The following MAGI2 variants were observed in gnomAD, a reference collection of about 807,000 sequenced individuals.
MAGI2 encodes the protein membrane-associated guanylate kinase, WW and PDZ domain-containing protein 2.
MAGI2 carries 35 observed loss-of-function variants against 133.3 expected under a neutral mutation model. The ratio of observed to expected loss-of-function variants is 0.26; its 90% CI spans 0.20 to 0.35. MAGI2 has a LOEUF of 0.35. Ranked by LOEUF, MAGI2 falls within the 10% of genes least tolerant of loss-of-function variation. The pLI is 1.00. For missense variants in MAGI2, 1,636 were observed against 1,863.4 expected (o/e 0.88, Z 2.25); for synonymous variants, 729 against 710.6 (o/e 1.03, Z -0.41).
chr7:78,086,593 C>T (rs1020108158), intron 20 of MAGI2, among the ~76,000 whole-genome samples: 3 of 151,494 alleles, frequency 2.0e-5, no homozygotes, highest in Non-Finnish European at 2.9e-5. Flanking sequence ...TTCCCCTCCC[C>T]TAGCTCTATG....
At chr7:78,335,666 G>C (rs1789685098) in intron 9 of MAGI2, among the ~76,000 whole-genome samples, 1 of 152,044 alleles carries the variant, frequency 6.6e-6, no homozygotes, top group South Asian at 2.1e-4. Flanking sequence ...ACTAGACAAG[G>C]GTTGGAAGAC....
chr7:78,215,632 T>G (rs67301464), intron 10 of MAGI2, among the ~76,000 whole-genome samples: 22,221 of 152,166 alleles, frequency 0.15, 1,979 homozygotes, highest in East Asian at 0.35. Context: ...GATCAACTGC[T>G]GCCTGGAGTG....
intron 6 of MAGI2, among the ~76,000 whole-genome samples, chr7:78,373,212 C>T (rs1333036740): frequency 6.6e-6 from 1 of 152,080 alleles, no homozygotes; most frequent in East Asian, 1.9e-4. Flanking sequence ...TAGAAAGGGT[C>T]AAGGTCATGA....
chr7:78,744,606 C>T (rs867690616), intron 2 of MAGI2, among the ~76,000 whole-genome samples: 2 of 152,086 alleles, frequency 1.3e-5, no homozygotes, highest in Non-Finnish European at 2.9e-5. Context: ...GGGAACTTTG[C>T]ATGAGTCTAA....
At chr7:78,604,035 G>C (rs1805508370) in intron 3 of MAGI2, among the ~76,000 whole-genome samples, 2 of 146,816 alleles carry the variant, frequency 1.4e-5, no homozygotes, top group Non-Finnish European at 3.0e-5. Context: ...AACATACAAT[G>C]ACAAAATTAA....
intron 21 of MAGI2, among the ~76,000 whole-genome samples, chr7:78,077,713 A>G (rs540743612): frequency 1.0e-4 from 14 of 136,116 alleles, no homozygotes; most frequent in Non-Finnish European, 2.2e-4. Context: ...AATGAAAAGT[A>G]CTCTTTAGAA....
intron 1 of MAGI2, among the ~76,000 whole-genome samples, chr7:79,318,504 T>C (rs1838919434): frequency 6.6e-6 from 1 of 152,184 alleles, no homozygotes; most frequent in African/African-American, 2.4e-5. Context: ...GAATTCTATA[T>C]TTTCTGTAAG....
chr7:78,019,405 C>T lies in MAGI2; in HGVS notation c.4278G>A (p.Lys1426=). ...TCCAGGGCCCCGGCGCGACGGCGGC[C>T]TTGCGCGCCGGGGCGCCCCCCGGGG... The part of the protein sequence containing the change: ...PRPPGGAPAR[K]AAVAPGPWKV... Residue 1426 remains lysine, a synonymous_variant, in exon 22 of 22, where the codon AAG becomes AAA. Transcript: ENST00000354212. 2 of 1,178,142 alleles carry T rather than the reference C, an allele frequency of 1.7e-6. No individual in the cohort carries two copies. The highest frequency in any genetic ancestry group is 2.1e-6 in the Non-Finnish European group (2 of 954,856). 73.0% of individuals were successfully genotyped at this position (1,178,142 alleles called of 1,614,324 possible).
intron 3 of MAGI2, among the ~76,000 whole-genome samples, chr7:78,524,054 A>AG (rs978736191): frequency 3.3e-5 from 5 of 150,800 alleles, no homozygotes. Context: ...TTTCTAGGGA[A>AG]AAAAAAAAAT....
At chr7:78,079,208 G>C (rs1208082606) in intron 20 of MAGI2, 123 bp from the exon 21 acceptor site, 1 of 883,378 alleles carries the variant, frequency 1.1e-6, no homozygotes, top group Non-Finnish European at 1.8e-6. Context: ...GTGGCAGCCT[G>C]CTGCTTTTTG....
At chr7:78,513,323 C>T (rs578150719) in intron 4 of MAGI2, among the ~76,000 whole-genome samples, 1 of 152,230 alleles carries the variant, frequency 6.6e-6, no homozygotes, top group African/African-American at 2.4e-5. Flanking sequence ...GAAAAAACAT[C>T]ACAATACTGT....
At position 79,224,494 on chromosome 7, in the gene MAGI2, C is replaced by T. The variant is rs941364737; in HGVS notation, c.302-217288G>A. On this transcript the variant is annotated intron_variant, in intron 1 of 21. Transcript: ENST00000354212. The stretch of plus-strand genomic sequence containing the variant: ...ATTTACCCAAGAGAAATAAAAACAT[C>T]TGTCCATACAAAAGCCTGTACATAA... 2.4e-4 allele frequency among the ~76,000 whole-genome samples: 37 copies of T among 152,004 alleles called. 1 individual carries two copies. The highest frequency in any genetic ancestry group is 8.5e-4 in the African/African-American group (35 of 41,304).
intron 9 of MAGI2, among the ~76,000 whole-genome samples, chr7:78,312,732 A>G (rs1446104282): frequency 6.6e-6 from 1 of 152,030 alleles, no homozygotes; most frequent in Non-Finnish European, 1.5e-5. Flanking sequence ...AGCAGTTTGG[A>G]GATTTCTCAA....
intron 1 of MAGI2, among the ~76,000 whole-genome samples, chr7:79,341,957 T>C (rs1313175154): frequency 6.6e-6 from 1 of 152,178 alleles, no homozygotes; most frequent in Admixed American, 6.6e-5. Context: ...ACTAGAGTTC[T>C]GTTCCTCAGC....
intron 3 of MAGI2, among the ~76,000 whole-genome samples, chr7:78,552,578 G>A (rs1799444600): frequency 6.6e-6 from 1 of 152,212 alleles, no homozygotes; most frequent in South Asian, 2.1e-4. Context: ...GTAAAAATGA[G>A]AAACTATACA....
intron 1 of MAGI2, among the ~76,000 whole-genome samples, chr7:79,026,253 AGTT>A (rs1809870795): frequency 6.6e-6 from 1 of 152,200 alleles, no homozygotes; most frequent in Admixed American, 6.6e-5. Context: ...TTACATGCAA[AGTT>A]GTCCATAATT....
At chr7:78,958,550 T>C (rs1222258757) in intron 2 of MAGI2, among the ~76,000 whole-genome samples, 5 of 152,176 alleles carry the variant, frequency 3.3e-5, no homozygotes, top group African/African-American at 1.2e-4. Context: ...CCATGGTATT[T>C]TGATAATTTT....
At chr7:79,440,303 G>A (rs972572860) in intron 1 of MAGI2, among the ~76,000 whole-genome samples, 20 of 151,952 alleles carry the variant, frequency 1.3e-4, no homozygotes, top group Admixed American at 2.0e-4. Flanking sequence ...AAAGGCATTT[G>A]TAAAAACTAC....
At chr7:79,449,815 A>G (rs1280619183) in intron 1 of MAGI2, among the ~76,000 whole-genome samples, 1 of 150,742 alleles carries the variant, frequency 6.6e-6, no homozygotes, top group Non-Finnish European at 1.5e-5. Flanking sequence ...GAATTTCATT[A>G]AACAGTTTTA....
Sources: gnomAD v4.1 joint callset for allele counts (sites outside exome capture counted in the v4.1 genomes callset) on GRCh38, gnomAD v4.1.1 for gene constraint, MANE v1.5 for transcripts, NCBI Gene and HGNC (gene_info 2026-07-23, HGNC 2026-07-21) for gene names.